CYP4F8: variants seen among roughly 807,000 people sequenced by gnomAD.
CYP4F8 encodes cytochrome P450 family 4 subfamily F member 8.
A neutral mutation model predicts 55.0 loss-of-function variants in CYP4F8; 56 were observed. The observed-to-expected ratio is 1.02, with a 90% CI of 0.82 to 1.27. CYP4F8 has a LOEUF of 1.27. CYP4F8 is among the 50% of genes most tolerant of loss of function. The pLI is 0.00. For missense variants in CYP4F8, 680 were observed against 682.4 expected, an observed-to-expected ratio of 1.00 and a Z score of 0.04; for synonymous variants, 288 against 267.3, an observed-to-expected ratio of 1.08 and a Z score of -0.76.
intron 9 of CYP4F8, among the ~76,000 whole-genome samples, chr19:15,626,933 T>C (rs1309302817): frequency 6.6e-6 from 1 of 152,198 alleles, no homozygotes; most frequent in Non-Finnish European, 1.5e-5. Flanking sequence ...TCCAGTGGTC[T>C]GAACAACTTC....
intron 9 of CYP4F8, among the ~76,000 whole-genome samples, chr19:15,626,697 C>T (rs989805343): frequency 6.6e-6 from 1 of 151,996 alleles, no homozygotes; most frequent in African/African-American, 2.4e-5. Flanking sequence ...TAATTGGGTC[C>T]ACTGTATCTT....
At position 15,622,108 on chromosome 19, in the gene CYP4F8, G is replaced by A. The variant is rs1028067360; in HGVS notation, c.526-111G>A. On this transcript the variant is annotated intron_variant, in intron 5 of 12. Transcript: ENST00000612078. ...GTCCTCCCTGAGGATGGGGGTCTGG[G>A]ACAGAAAACCAGGAGCATGCCTCTG... is the stretch of plus-strand genomic sequence containing the variant. 16 of 1,417,284 alleles carry A rather than the reference G, an allele frequency of 1.1e-5. No homozygotes were observed. The African/African-American group carries it at 1.3e-4, about 12-fold the overall frequency. 87.8% of individuals were successfully genotyped at this position (1,417,284 alleles called of 1,614,324 possible).
chr19:15,618,440 G>C, intron 3 of CYP4F8: 1 of 484,854 alleles, frequency 2.1e-6, no homozygotes, highest in Non-Finnish European at 3.8e-6. Context: ...GAGCAGTACA[G>C]AGACATCCCC....
chr19:15,628,547 C>A lies in CYP4F8; in HGVS notation c.1266C>A (p.Ile422=). The A allele has an allele frequency of 1.2e-6, 2 of 1,613,930 alleles. No individual in the cohort carries two copies. Among genetic ancestry groups the A allele is most frequent in the African/African-American group, 1.3e-5 (1 of 75,028 alleles). Residue 422 remains isoleucine (I), a synonymous_variant, in exon 11 of 13, where the codon ATC becomes ATA. Transcript: ENST00000612078. The stretch of plus-strand genomic sequence containing the variant: ...GCACGACAGGGAATGTCTGTAACAT[C>A]AACATCTTCGCAATCCATCACAACC... ...RVIPKGNVCN[I]NIFAIHHNPS...
rs774388079 is a variant in CYP4F8 at position 15,628,575 on chromosome 19, T to G, written c.1294T>G (p.Ser432Ala). 6.2e-7 allele frequency: 1 copy of G among 1,613,838 alleles called. No homozygotes were observed. The highest frequency in any genetic ancestry group is 8.5e-7 in the Non-Finnish European group (1 of 1,179,822). ...INIFAIHHNP[S>A]VWPDPEVYDP... ...CATCTTCGCAATCCATCACAACCCC[T>G]CAGTCTGGCCAGACCCTGAGGTGCT... is the stretch of plus-strand genomic sequence containing the variant. The change falls in exon 11 of 13, where the codon TCA becomes GCA. Residue 432 changes from serine (S) to alanine (A), a missense_variant. Transcript: ENST00000612078.
rs1191683708 is a variant in CYP4F8 at position 15,622,253 on chromosome 19, C to T, written c.560C>T (p.Thr187Ile). Residue 187 changes from threonine (T) to isoleucine (I), a missense_variant, in exon 6 of 13, where the codon ACC becomes ATC. Coordinates refer to ENST00000612078, the MANE Select transcript of CYP4F8 (RefSeq NM_007253.4). ...CAACGCCTGGCCATGGAGGGCAGCA[C>T]CTGTCTGGATGTGTTTGAGCACATC... Reference protein sequence around the residue: ...KWQRLAMEGSTCLDVFEHISL... With the variant: ...KWQRLAMEGSICLDVFEHISL... The T allele has an allele frequency of 1.2e-6, 2 of 1,613,738 alleles. No homozygotes were observed. Among genetic ancestry groups the T allele is most frequent in the Non-Finnish European group, 1.7e-6 (2 of 1,179,846 alleles).
At chr19:15,620,338 C>A (rs2144604299) in intron 5 of CYP4F8, among the ~76,000 whole-genome samples, 1 of 152,278 alleles carries the variant, frequency 6.6e-6, no homozygotes, top group South Asian at 2.1e-4. Flanking sequence ...GGATTGCTCA[C>A]ATGGCAGAGA....
chr19:15,628,420 C>T lies in CYP4F8; in HGVS notation c.1234C>T (p.Arg412Ter), dbSNP rs4646532. ...CCAGGACGTGGTGCTCCCAGACAGC[C>T]GAGTCATCCCCAAAGGTGCCCTCCA... Reference protein sequence around the residue: ...CTQDVVLPDSRVIPKGNVCNI... With the variant: ...CTQDVVLPDS Residue 412 changes from arginine (R) to a stop codon, truncating the protein, a stop_gained, in exon 10 of 13, where the codon CGA (arginine) becomes TGA (stop). Transcript: ENST00000612078. LOFTEE classifies it high-confidence loss of function. 8.7e-5 allele frequency: 141 copies of T among 1,614,092 alleles called. 2 individuals carry two copies. In the East Asian group the frequency reaches 2.5e-3, roughly 29 times the overall value.
chr19:15,624,059 G>A lies in CYP4F8; in HGVS notation c.1080G>A (p.Glu360=). Residue 360 remains glutamate (E), a synonymous_variant, in exon 9 of 13, where the codon GAG becomes GAA. Transcript: ENST00000612078. ...AACGCTGCCGGCAGGAGGTGCAAGA[G>A]CTTCTGAAGGACCGTGAGCCTAAAG... ...YQERCRQEVQ[E]LLKDREPKEI... is the part of the protein sequence containing the mutation. 2 of 1,614,198 alleles carry A rather than the reference G, an allele frequency of 1.2e-6. No homozygotes were observed.
rs867849192 is a variant in CYP4F8 at position 15,629,658 on chromosome 19, T to C, written c.*300T>C. ...CCCAAAATAATTGTGTATTCTGATA[T>C]AAATTTTTGCCAATTTAGAATCCCT... is the stretch of plus-strand genomic sequence containing the variant. On this transcript the variant is annotated 3_prime_UTR_variant, in exon 13 of 13. Coordinates refer to ENST00000612078, the MANE Select transcript of CYP4F8 (RefSeq NM_007253.4). 76 of 318,724 alleles carry C rather than the reference T, an allele frequency of 2.4e-4. No homozygotes were observed. Among genetic ancestry groups the C allele is most frequent in the Middle Eastern group, 1.8e-3 (2 of 1,112 alleles). The allele number at this position is 318,724 out of a possible 1,614,324, so 19.7% of individuals were successfully genotyped here. A position where few individuals can be genotyped will look rare whatever the true frequency, so the allele number is the denominator to read the frequency against.
At chr19:15,618,782 A>G (rs771994040) in intron 3 of CYP4F8, 13 of 198,260 alleles carry the variant, frequency 6.6e-5, no homozygotes, top group Non-Finnish European at 1.3e-4. Flanking sequence ...GATTCCTTCT[A>G]ATCCCATCCT....
At chr19:15,620,729 A>T (rs1972182807) in intron 5 of CYP4F8, among the ~76,000 whole-genome samples, 1 of 152,058 alleles carries the variant, frequency 6.6e-6, no homozygotes, top group Non-Finnish European at 1.5e-5. Context: ...TTTTCACCAC[A>T]TTCTATTGGC....
rs1416431348 is a variant in CYP4F8 at position 15,624,001 on chromosome 19, T to C, written c.1022T>C (p.Leu341Ser). 1.2e-6 allele frequency: 2 copies of C among 1,614,184 alleles called. No homozygotes were observed. Among genetic ancestry groups the C allele is most frequent in the East Asian group, 2.2e-5 (1 of 44,872 alleles). The change falls in exon 9 of 13, where the codon TTG (leucine) becomes TCG (serine). Residue 341 changes from leucine to serine, a missense_variant. Coordinates refer to ENST00000612078, the MANE Select transcript of CYP4F8 (RefSeq NM_007253.4). Reference protein sequence around the residue: ...DTTASGLSWVLYNLARHPEYQ... With the variant: ...DTTASGLSWVSYNLARHPEYQ... ...ACGGCCAGTGGCCTCTCCTGGGTCT[T>C]GTACAACCTCGCGAGGCACCCAGAA...
chr19:15,623,507 CAG>C, intron 7 of CYP4F8, 132 bp downstream of exon 7: 1 of 1,454,132 alleles, frequency 6.9e-7, no homozygotes, highest in Non-Finnish European at 9.2e-7. Flanking sequence ...AGGGACAAGT[CAG>C]ATAAATTTTA....
intron 5 of CYP4F8, among the ~76,000 whole-genome samples, chr19:15,620,637 C>A (rs963331794): frequency 6.6e-6 from 1 of 152,078 alleles, no homozygotes; most frequent in Non-Finnish European, 1.5e-5. Flanking sequence ...AGTGATCTGC[C>A]CTCCTCGGCC....
chr19:15,625,323 T>C (rs1207985221), intron 9 of CYP4F8, among the ~76,000 whole-genome samples: 1 of 88,672 alleles, frequency 1.1e-5, no homozygotes, highest in Non-Finnish European at 2.2e-5. Flanking sequence ...CAAGAAACTA[T>C]GTGTGTGTAT....
intron 3 of CYP4F8, 144 bp from the exon 4 acceptor site, chr19:15,619,346 T>A: frequency 2.3e-4 from 191 of 848,860 alleles, no homozygotes; most frequent in Middle Eastern, 3.1e-4. Flanking sequence ...CCCACCCTCC[T>A]TTCTTCTTCT....
intron 5 of CYP4F8, chr19:15,621,543 CAAAA>C (rs2144605501): frequency 6.6e-6 from 1 of 151,492 alleles, no homozygotes; most frequent in East Asian, 1.9e-4. Flanking sequence ...AGCAAACAAA[CAAAA>C]CAAACAAACA....
chr19:15,623,741 G>A lies in CYP4F8; in HGVS notation c.961G>A (p.Glu321Lys). ...KELSDEDIRAEADTFMFGGHD... is the reference protein window; with the variant it reads ...KELSDEDIRAKADTFMFGGHD... ...GTTGTCAGATGAGGACATAAGAGCA[G>A]AAGCTGACACTTTCATGTTTGGAGG... is the stretch of plus-strand genomic sequence containing the variant. The change falls in exon 8 of 13, where the codon GAA becomes AAA. Residue 321 changes from glutamate to lysine, a missense_variant. By Grantham distance (56) the Glu-to-Lys change is moderately conservative (BLOSUM62 1). Coordinates refer to ENST00000612078, the MANE Select transcript of CYP4F8 (RefSeq NM_007253.4). 3.1e-6 allele frequency: 5 copies of A among 1,614,056 alleles called. No homozygotes were observed. The highest frequency in any genetic ancestry group is 4.2e-6 in the Non-Finnish European group (5 of 1,180,028).
Sources: gnomAD v4.1 joint callset for allele counts (sites outside exome capture counted in the v4.1 genomes callset) on GRCh38, gnomAD v4.1.1 for gene constraint, MANE v1.5 for transcripts, NCBI Gene and HGNC (gene_info 2026-07-23, HGNC 2026-07-21) for gene names.